Variants in AFTPH observed in about 807,000 individuals in gnomAD.
The protein encoded by AFTPH is aftiphilin.
AFTPH carries 7 observed loss-of-function variants against 72.5 expected under a neutral mutation model. The observed-to-expected ratio is 0.10, with a 90% CI of 0.05 to 0.18. AFTPH has a LOEUF of 0.18. Among genes scored for constraint, AFTPH ranks in the 10% least tolerant of loss-of-function variants. The pLI is 1.00. For missense variants in AFTPH, 979 were observed against 1,060.5 expected (o/e 0.92, Z 1.07); for synonymous variants, 337 against 370.1 (o/e 0.91, Z 1.03).
rs1672161387 is a variant in AFTPH at position 64,567,578 on chromosome 2, G to A, written c.1952G>A (p.Arg651His). The change falls in exon 3 of 9, where the codon CGC becomes CAC. Residue 651 changes from arginine to histidine, a missense_variant. Physicochemically the swap from Arg to His is conservative, Grantham distance 29. Around this residue, in one of 3 missense-constraint regions of AFTPH, gnomAD observed 438 missense variants for 530.0 expected, o/e 0.83. Transcript: ENST00000238856. ...TTGATGCAGACAGCTTTATTAAACCGCCTGGAGCGAATTTTCGAAGCATGT... is the reference window on the plus strand; with the variant it reads ...TTGATGCAGACAGCTTTATTAAACCACCTGGAGCGAATTTTCGAAGCATGT... The A allele has an allele frequency of 3.1e-6, 5 of 1,610,528 alleles. No individual in the cohort carries two copies. Among genetic ancestry groups the A allele is most frequent in the African/African-American group, 1.3e-5 (1 of 74,846 alleles).
chr2:64,581,250 C>T lies in AFTPH; in HGVS notation c.2455+1704C>T, dbSNP rs867709578. 5 of 1,599,120 alleles carry T rather than the reference C, an allele frequency of 3.1e-6. No homozygotes were observed. Among genetic ancestry groups the T allele is most frequent in the East Asian group, 2.3e-5 (1 of 44,416 alleles). On this transcript the variant is annotated intron_variant, in intron 7 of 8. Coordinates refer to ENST00000238856, the Ensembl canonical transcript of AFTPH. Reference sequence around the variant, plus strand: ...TTTGGGCCCGTGGATGACAGTAGCTCTAGCAGCAGCACCACAATCCCAGGT... The same window carrying T: ...TTTGGGCCCGTGGATGACAGTAGCTTTAGCAGCAGCACCACAATCCCAGGT...
At chr2:64,579,990 AAGT>A (rs1673079232) in intron 7 of AFTPH, 1 of 153,736 alleles carries the variant, frequency 6.5e-6, no homozygotes, top group African/African-American at 2.4e-5. Flanking sequence ...TATTGACTCA[AAGT>A]AGTTTTTAGA....
intron 1 of AFTPH, among the ~76,000 whole-genome samples, chr2:64,545,059 T>C (rs139952211): frequency 1.3e-5 from 2 of 152,286 alleles, no homozygotes; most frequent in East Asian, 1.9e-4. Context: ...ATCTTTGTAT[T>C]TGCATTAATG....
Position 64,569,012 on chromosome 2 carries a change from C to T in AFTPH, c.2088-80C>T. On this transcript the variant is annotated intron_variant, in intron 3 of 8. Transcript: ENST00000238856. ...AGAGTAAATGGAATGTGTGTTATGT[C>T]ACAGCCATATTATAAGTAGAACTCA... 4.0e-6 allele frequency: 6 copies of T among 1,487,864 alleles called. No homozygotes were observed. The South Asian group carries it at 6.8e-5, about 17-fold the overall frequency. 92.2% of individuals were successfully genotyped at this position (1,487,864 alleles called of 1,614,324 possible). A position where few individuals can be genotyped will look rare whatever the true frequency, so the allele number is the denominator to read the frequency against.
At chr2:64,569,701 C>G in intron 5 of AFTPH, 22 bp downstream of exon 5, 2 of 1,607,272 alleles carry the variant, frequency 1.2e-6, no homozygotes, top group Non-Finnish European at 1.7e-6. Context: ...AATCTCTCTG[C>G]ATGTATTTAT....
At chr2:64,536,265 G>T (rs915080536) in intron 1 of AFTPH, among the ~76,000 whole-genome samples, 3 of 152,112 alleles carry the variant, frequency 2.0e-5, no homozygotes, top group Non-Finnish European at 4.4e-5. Context: ...ATTTCTCAGT[G>T]ATAAGAATAT....
intron 6 of AFTPH, 63 bp from the exon 7 acceptor site, chr2:64,579,423 A>G (rs1428191775): frequency 6.8e-6 from 9 of 1,329,408 alleles, no homozygotes; most frequent in South Asian, 1.4e-5. Context: ...TTTTTTTTTA[A>G]GGATTCTTTA....
intron 7 of AFTPH, among the ~76,000 whole-genome samples, chr2:64,584,848 G>C (rs1209496548): frequency 6.6e-6 from 1 of 151,970 alleles, no homozygotes; most frequent in Non-Finnish European, 1.5e-5. Context: ...TGCCCGCCTC[G>C]GCCTCCCAAA....
At chr2:64,579,644 A>C in intron 7 of AFTPH, 98 bp downstream of exon 7, 5 of 1,104,532 alleles carry the variant, frequency 4.5e-6, no homozygotes, top group Non-Finnish European at 6.7e-6. Flanking sequence ...TTTTGTTTGA[A>C]CATAACTTAT....
At chr2:64,555,382 G>T (rs1348552641) in intron 2 of AFTPH, among the ~76,000 whole-genome samples, 1 of 152,120 alleles carries the variant, frequency 6.6e-6, no homozygotes. Flanking sequence ...CCAACATGGT[G>T]AGACCCTGTC....
Position 64,558,809 on chromosome 2 carries a change from C to G in AFTPH, c.1935+5400C>G, listed in dbSNP as rs563521522. On this transcript the variant is annotated intron_variant, in intron 2 of 8. Transcript: ENST00000238856. ...GGTCATCAGTGGCCGAAGCCTATCC[C>G]TCCAGCTCAGGGTACAAGGCTGAAA... 2.6e-4 allele frequency among the ~76,000 whole-genome samples: 40 copies of G among 152,344 alleles called. No homozygotes were observed. In the South Asian group the frequency reaches 5.2e-3, roughly 20 times the overall value.
intron 1 of AFTPH, among the ~76,000 whole-genome samples, chr2:64,529,565 A>T (rs933100111): frequency 3.3e-5 from 5 of 152,002 alleles, no homozygotes; most frequent in Non-Finnish European, 5.9e-5. Context: ...TAAATTTTTT[A>T]AAATAGTCTT....
intron 1 of AFTPH, among the ~76,000 whole-genome samples, chr2:64,532,772 T>C (rs1227571587): frequency 6.6e-6 from 1 of 152,140 alleles, no homozygotes; most frequent in Admixed American, 6.5e-5. Context: ...ATGGTAATTA[T>C]TAATAAAAGC....
chr2:64,560,889 GAAAGT>G (rs1671693348), intron 2 of AFTPH, among the ~76,000 whole-genome samples: 2 of 152,156 alleles, frequency 1.3e-5, no homozygotes, highest in Admixed American at 6.5e-5. Context: ...GGAAAAAAAA[GAAAGT>G]AATAGGGAGG....
exon 8 of AFTPH, chr2:64,585,481 C>T (rs754098590): frequency 1.2e-6 from 2 of 1,613,744 alleles, no homozygotes; most frequent in Non-Finnish European, 1.7e-6. Context: ...CACCTCAAGC[C>T]TCAAAGTGAC....
At chr2:64,573,812 C>T (rs10184677) in intron 6 of AFTPH, among the ~76,000 whole-genome samples, 3,916 of 152,154 alleles carry the variant, frequency 0.026, 61 homozygotes, top group Admixed American at 0.033. Flanking sequence ...TGTGTGCCAA[C>T]GTGCCCAGCT....
chr2:64,571,441 A>T (rs758133784), intron 5 of AFTPH, among the ~76,000 whole-genome samples: 2 of 152,246 alleles, frequency 1.3e-5, no homozygotes, highest in African/African-American at 4.8e-5. Flanking sequence ...TGCCAAATGT[A>T]TCGTCTCTGC....
chr2:64,555,600 A>AC (rs1558611158), intron 2 of AFTPH, among the ~76,000 whole-genome samples: 1 of 137,314 alleles, frequency 7.3e-6, no homozygotes, highest in African/African-American at 2.9e-5. Flanking sequence ...CACACACACA[A>AC]GACTTTCTTG....
At chr2:64,546,583 A>G (rs1429687173) in intron 1 of AFTPH, among the ~76,000 whole-genome samples, 1 of 151,360 alleles carries the variant, frequency 6.6e-6, no homozygotes, top group Non-Finnish European at 1.5e-5. Flanking sequence ...TTTTTTTTCC[A>G]TTTTGAAACA....
Sources: gnomAD v4.1 joint callset for allele counts (sites outside exome capture counted in the v4.1 genomes callset) on GRCh38, gnomAD v4.1.1 for gene constraint, gnomAD v4.1.1 regional missense constraint, MANE v1.5 for transcripts, NCBI Gene and HGNC (gene_info 2026-07-23, HGNC 2026-07-21) for gene names.